MGAT4C: variants seen among roughly 807,000 people sequenced by gnomAD.
MGAT4C encodes the protein MGAT4 family member C.
Under a neutral mutation model 40.1 loss-of-function variants are expected in MGAT4C, and 19 were observed. That is an observed-to-expected ratio of 0.47 (90% confidence interval 0.33 to 0.70). The LOEUF (loss-of-function observed/expected upper bound fraction) is 0.70. Among genes scored for constraint, MGAT4C ranks in the 30% least tolerant of loss-of-function variants. MGAT4C has a pLI of 0.02. For missense variants in MGAT4C, 491 were observed against 563.2 expected, an observed-to-expected ratio of 0.87 and a Z score of 1.30; for synonymous variants, 181 against 187.1, an observed-to-expected ratio of 0.97 and a Z score of 0.27.
At chr12:86,486,247 CT>C (rs1328349155) in intron 2 of MGAT4C, among the ~76,000 whole-genome samples, 1 of 152,004 alleles carries the variant, frequency 6.6e-6, no homozygotes, top group African/African-American at 2.4e-5. Context: ...AATTGCCCCA[CT>C]TAAAGAGGAT....
At chr12:86,408,421 C>T (rs1314131112) in intron 3 of MGAT4C, among the ~76,000 whole-genome samples, 8 of 134,004 alleles carry the variant, frequency 6.0e-5, no homozygotes, top group African/African-American at 2.0e-4. Flanking sequence ...ATTTATATAA[C>T]TGGAATAAAT....
chr12:86,377,266 TCA>T (rs1240411422), intron 3 of MGAT4C, among the ~76,000 whole-genome samples: 1 of 152,044 alleles, frequency 6.6e-6, no homozygotes, highest in Non-Finnish European at 1.5e-5. Flanking sequence ...TCTATCTTGG[TCA>T]GGCTGGTCTC....
intron 1 of MGAT4C, among the ~76,000 whole-genome samples, chr12:86,233,466 C>T (rs1252217671): frequency 2.6e-5 from 4 of 152,170 alleles, no homozygotes; most frequent in African/African-American, 9.7e-5. Flanking sequence ...AGGTGACAGC[C>T]TTGCTGGGTT....
chr12:86,653,513 T>C (rs1963755932), intron 2 of MGAT4C, among the ~76,000 whole-genome samples: 1 of 151,942 alleles, frequency 6.6e-6, no homozygotes, highest in Non-Finnish European at 1.5e-5. Context: ...CCTAGCTGTA[T>C]AAGGAGTTTT....
At position 86,746,120 on chromosome 12, in the gene MGAT4C, CT is replaced by C. The variant is rs1951148010; in HGVS notation, c.-261-18880del. On this transcript the variant is annotated intron_variant, in intron 1 of 7. Coordinates refer to the MGAT4C transcript ENST00000548651. The stretch of plus-strand genomic sequence containing the variant: ...TCAATGCAGTGAAATTCTCTTAGTG[CT>C]GGCTAAATCTCTCTTGCTCTCTTAG... Among the ~76,000 whole-genome samples, 5 of 151,694 alleles carry C rather than the reference CT, an allele frequency of 3.3e-5. No individual in the cohort carries two copies. In the South Asian group the frequency reaches 1.0e-3, roughly 31 times the overall value.
chr12:86,493,181 A>G (rs1200832474), intron 2 of MGAT4C, among the ~76,000 whole-genome samples: 1 of 150,624 alleles, frequency 6.6e-6, no homozygotes, highest in Admixed American at 6.6e-5. Flanking sequence ...AAATAGGAAC[A>G]CTTTTACACT....
intron 3 of MGAT4C, among the ~76,000 whole-genome samples, chr12:86,370,216 A>G (rs1955689021): frequency 2.0e-5 from 3 of 152,048 alleles, no homozygotes; most frequent in African/African-American, 7.2e-5. Context: ...CTCATAATAT[A>G]GTGTACTAAA....
At chr12:86,827,411 C>G (rs533748407) in intron 1 of MGAT4C, among the ~76,000 whole-genome samples, 1 of 151,364 alleles carries the variant, frequency 6.6e-6, no homozygotes, top group African/African-American at 2.4e-5. Context: ...CTGAGTTTTT[C>G]TCAATAGTAT....
intron 2 of MGAT4C, among the ~76,000 whole-genome samples, chr12:86,633,471 A>G (rs1282881448): frequency 6.6e-6 from 1 of 152,124 alleles, no homozygotes; most frequent in Admixed American, 6.6e-5. Context: ...TTTGCAGGCC[A>G]TAGTAAGAGA....
chr12:86,044,223 C>T (rs1027147128), intron 2 of MGAT4C, among the ~76,000 whole-genome samples: 1 of 152,180 alleles, frequency 6.6e-6, no homozygotes, highest in Non-Finnish European at 1.5e-5. Flanking sequence ...TCTCAGGACC[C>T]TCAAGGTTAG....
intron 2 of MGAT4C, among the ~76,000 whole-genome samples, chr12:86,003,777 G>A (rs1257887818): frequency 6.8e-6 from 1 of 147,682 alleles, no homozygotes; most frequent in Non-Finnish European, 1.5e-5. Flanking sequence ...AAGAAGAAGA[G>A]GGAGAAAGCT....
chr12:86,469,611 G>A (rs1301172507), intron 2 of MGAT4C, among the ~76,000 whole-genome samples: 2 of 152,066 alleles, frequency 1.3e-5, no homozygotes, highest in Non-Finnish European at 2.9e-5. Flanking sequence ...CAAAGTAATT[G>A]CGGTTTTTTT....
intron 3 of MGAT4C, among the ~76,000 whole-genome samples, chr12:86,417,095 A>T (rs1956733531): frequency 6.6e-6 from 1 of 152,180 alleles, no homozygotes; most frequent in Non-Finnish European, 1.5e-5. Flanking sequence ...TCCAATAAAA[A>T]TTATCACCAA....
chr12:86,441,221 C>CA (rs2136278160), intron 2 of MGAT4C, among the ~76,000 whole-genome samples: 1 of 152,008 alleles, frequency 6.6e-6, no homozygotes, highest in East Asian at 1.9e-4. Context: ...AATTATACTA[C>CA]AAGGATATAG....
chr12:86,122,776 G>T (rs1319273079), intron 1 of MGAT4C, among the ~76,000 whole-genome samples: 8 of 143,968 alleles, frequency 5.6e-5, no homozygotes, highest in Admixed American at 5.5e-4. Flanking sequence ...GTGTGTGTAT[G>T]TGTATATGTT....
chr12:86,228,177 T>C (rs545445860), intron 1 of MGAT4C, among the ~76,000 whole-genome samples: 1 of 151,860 alleles, frequency 6.6e-6, no homozygotes, highest in South Asian at 2.1e-4. Flanking sequence ...ATGTCCACAT[T>C]CATCACTTCT....
At chr12:86,767,743 TA>T (rs1313159688) in intron 1 of MGAT4C, among the ~76,000 whole-genome samples, 1 of 152,134 alleles carries the variant, frequency 6.6e-6, no homozygotes, top group Non-Finnish European at 1.5e-5. Flanking sequence ...ATCCAGCATA[TA>T]AACAGAACCA....
At chr12:86,551,703 C>A (rs1369944568) in intron 2 of MGAT4C, among the ~76,000 whole-genome samples, 1 of 152,198 alleles carries the variant, frequency 6.6e-6, no homozygotes, top group Non-Finnish European at 1.5e-5. Flanking sequence ...GGCAAACCCA[C>A]TGTGTGGACA....
At position 85,969,775 on chromosome 12, in the gene MGAT4C, G is replaced by T. The variant is rs565934894; in HGVS notation, c.*9514C>A. On this transcript the variant is annotated 3_prime_UTR_variant, in exon 5 of 5. Coordinates refer to ENST00000611864, the MANE Select transcript of MGAT4C (RefSeq NM_001351288.2). ...GAATTACACAAACCTGAAATCCAAT[G>T]CTCTCTCTTTCATTTATTAGTTATG... is the stretch of plus-strand genomic sequence containing the variant. 1 of 151,440 alleles carries T rather than the reference G, an allele frequency of 6.6e-6. No individual in the cohort carries two copies. Among genetic ancestry groups the T allele is most frequent in the South Asian group, 2.1e-4 (1 of 4,822 alleles). 9.4% of individuals were successfully genotyped at this position (151,440 alleles called of 1,614,324 possible). A position where few individuals can be genotyped will look rare whatever the true frequency, so the allele number is the denominator to read the frequency against.
Sources: gnomAD v4.1 joint callset for allele counts (sites outside exome capture counted in the v4.1 genomes callset) on GRCh38, gnomAD v4.1.1 for gene constraint, MANE v1.5 for transcripts, NCBI Gene and HGNC (gene_info 2026-07-23, HGNC 2026-07-21) for gene names.